RAB38: variants seen among roughly 807,000 people sequenced by gnomAD.
RAB38 encodes ras-related protein Rab-38.
Under a neutral mutation model 18.4 loss-of-function variants are expected in RAB38, and 15 were observed. That is an observed-to-expected ratio of 0.82 (90% CI 0.55 to 1.26). The LOEUF (loss-of-function observed/expected upper bound fraction) is 1.26. Among genes scored for constraint, RAB38 ranks in the 50% most tolerant of loss-of-function variants. The probability of loss-of-function intolerance (pLI) is 0.00; values close to 1 mark genes in which losing one functional copy is unlikely to be tolerated. For synonymous variants in RAB38, 101 were observed against 104.4 expected, an observed-to-expected ratio of 0.97 and a Z score of 0.20; for missense variants, 294 against 267.4, an observed-to-expected ratio of 1.10 and a Z score of -0.69.
At chr11:88,172,657 G>C (rs1289698402) in intron 1 of RAB38, among the ~76,000 whole-genome samples, 1 of 152,148 alleles carries the variant, frequency 6.6e-6, no homozygotes, top group African/African-American at 2.4e-5. Flanking sequence ...CAGACAGGCT[G>C]TGATTTGAAA....
the RAB38 span, among the ~76,000 whole-genome samples, chr11:87,930,326 T>C: frequency 6.6e-6 from 1 of 152,180 alleles, no homozygotes; most frequent in Non-Finnish European, 1.5e-5. Flanking sequence ...TGATGATGAG[T>C]ATTTTTTCAT....
At chr11:87,974,157 A>G in the RAB38 span, among the ~76,000 whole-genome samples, 3 of 151,990 alleles carry the variant, frequency 2.0e-5, no homozygotes, top group African/African-American at 7.2e-5. Context: ...GAAGACACAG[A>G]TATCAAAATG....
the RAB38 span, among the ~76,000 whole-genome samples, chr11:87,951,119 G>C: frequency 1.3e-5 from 2 of 151,882 alleles, no homozygotes; most frequent in Admixed American, 1.3e-4. Flanking sequence ...TTCTCTTCTT[G>C]CTTCATTTCA....
rs533259360 is a variant in RAB38 at position 88,121,914 on chromosome 11, A to G, written c.484-7774T>C. Among the ~76,000 whole-genome samples, 140 of 152,332 alleles carry G rather than the reference A, an allele frequency of 9.2e-4. 2 individuals are homozygous for G. The highest frequency in any genetic ancestry group is 3.3e-3 in the African/African-American group (137 of 41,572). ...CCTATAAATGTCTATTGAAGGAATG[A>G]GGACCCATGTTTTCTAAGTTTTTGG... On this transcript the variant is annotated intron_variant, in intron 2 of 2. Coordinates refer to ENST00000243662, the MANE Select transcript of RAB38 (RefSeq NM_022337.3).
At chr11:88,083,978 A>G in the RAB38 span, among the ~76,000 whole-genome samples, 1 of 151,980 alleles carries the variant, frequency 6.6e-6, no homozygotes, top group African/African-American at 2.4e-5. Flanking sequence ...TTACTGCTAT[A>G]TCCCCATATC....
chr11:87,952,991 T>A, the RAB38 span, among the ~76,000 whole-genome samples: 5 of 151,960 alleles, frequency 3.3e-5, no homozygotes, highest in African/African-American at 1.2e-4. Flanking sequence ...ATAAAACATT[T>A]AAAACATTAA....
the RAB38 span, among the ~76,000 whole-genome samples, chr11:88,057,474 A>AG: frequency 6.6e-6 from 1 of 152,148 alleles, no homozygotes; most frequent in Non-Finnish European, 1.5e-5. Context: ...AAAAAAAAAA[A>AG]ATGAGGGAAA....
chr11:87,859,683 C>A, the RAB38 span, among the ~76,000 whole-genome samples: 1 of 152,002 alleles, frequency 6.6e-6, no homozygotes, highest in African/African-American at 2.4e-5. Context: ...TGGCTCGCAT[C>A]ATTGTAAAGT....
At chr11:87,819,690 ATG>A in the RAB38 span, among the ~76,000 whole-genome samples, 15 of 143,850 alleles carry the variant, frequency 1.0e-4, no homozygotes, top group Non-Finnish European at 1.5e-4. Context: ...ATATATATAT[ATG>A]TGTGTGTGTG....
the RAB38 span, among the ~76,000 whole-genome samples, chr11:87,852,393 C>T: frequency 9.9e-5 from 15 of 152,132 alleles, no homozygotes; most frequent in Non-Finnish European, 1.5e-4. Context: ...TTGTTCTTCC[C>T]GCTTCACAAC....
the RAB38 span, among the ~76,000 whole-genome samples, chr11:87,848,908 CA>C: frequency 2.0e-5 from 3 of 152,012 alleles, no homozygotes; most frequent in African/African-American, 7.2e-5. Context: ...ATATTAATGC[CA>C]ACCCCAATGT....
chr11:87,945,997 G>A, the RAB38 span, among the ~76,000 whole-genome samples: 1 of 152,138 alleles, frequency 6.6e-6, no homozygotes, highest in Non-Finnish European at 1.5e-5. Context: ...TTTCAGAGAT[G>A]CAGAAGCTGA....
chr11:87,893,388 A>T, the RAB38 span, among the ~76,000 whole-genome samples: 43 of 9,356 alleles, frequency 4.6e-3, no homozygotes, highest in South Asian at 0.012. Context: ...ATATATATAT[A>T]TATTTTTTTT....
intron 1 of RAB38, among the ~76,000 whole-genome samples, chr11:88,151,978 G>A (rs1943067723): frequency 6.6e-6 from 1 of 152,188 alleles, no homozygotes; most frequent in Non-Finnish European, 1.5e-5. Flanking sequence ...CAGTTGCCTA[G>A]TCAACGAAAG....
chr11:88,093,801 T>C, the RAB38 span, among the ~76,000 whole-genome samples: 3 of 151,970 alleles, frequency 2.0e-5, no homozygotes, highest in East Asian at 1.9e-4. Context: ...TACCTACATA[T>C]GAAGCACCTT....
chr11:88,071,893 A>G, the RAB38 span, among the ~76,000 whole-genome samples: 1 of 152,226 alleles, frequency 6.6e-6, no homozygotes, highest in African/African-American at 2.4e-5. Flanking sequence ...TAATGGTACC[A>G]ACAAAACAGC....
the RAB38 span, among the ~76,000 whole-genome samples, chr11:87,858,488 T>C: frequency 2.4e-4 from 36 of 152,068 alleles, no homozygotes; most frequent in Non-Finnish European, 4.4e-4. Context: ...GATATTTCAT[T>C]CATGGGATCA....
chr11:87,828,119 A>G, the RAB38 span, among the ~76,000 whole-genome samples: 6 of 152,224 alleles, frequency 3.9e-5, no homozygotes, highest in African/African-American at 1.4e-4. Flanking sequence ...TCTTTGCAAC[A>G]TTTTTGTGAA....
the RAB38 span, among the ~76,000 whole-genome samples, chr11:87,899,618 C>A: frequency 2.6e-5 from 4 of 151,552 alleles, no homozygotes; most frequent in Non-Finnish European, 5.9e-5. Flanking sequence ...ACCATTATTC[C>A]TCTCTACCCC....
Sources: allele counts gnomAD v4.1 joint callset (sites outside exome capture counted in the v4.1 genomes callset), GRCh38; gene constraint gnomAD v4.1.1; transcripts MANE v1.5; gene names NCBI Gene and HGNC (gene_info 2026-07-23, HGNC 2026-07-21).